Variants in ARHGAP24 observed in about 807,000 individuals in gnomAD.
ARHGAP24 encodes rho GTPase-activating protein 24.
ARHGAP24 carries 50 observed loss-of-function variants against 76.4 expected under a neutral mutation model. That is an observed-to-expected ratio of 0.65 (90% confidence interval 0.52 to 0.83). The LOEUF is 0.83. Ranked by LOEUF, ARHGAP24 falls within the 40% of genes least tolerant of loss-of-function variation. The probability of loss-of-function intolerance (pLI) is 0.00; values close to 1 mark genes in which losing one functional copy is unlikely to be tolerated. For missense variants in ARHGAP24, 930 were observed against 914.2 expected (o/e 1.02, Z -0.22); for synonymous variants, 345 against 323.3 (o/e 1.07, Z -0.72).
At chr4:85,664,489 G>C (rs560223411) in intron 2 of ARHGAP24, among the ~76,000 whole-genome samples, 16 of 150,614 alleles carry the variant, frequency 1.1e-4, no homozygotes, top group South Asian at 4.2e-4. Flanking sequence ...TTTTTTGAAG[G>C]GTTTTTTTGT....
chr4:85,917,180 G>T (rs1319602768), intron 3 of ARHGAP24, among the ~76,000 whole-genome samples: 1 of 151,864 alleles, frequency 6.6e-6, no homozygotes, highest in African/African-American at 2.4e-5. Context: ...TTTTGTCCTT[G>T]CAATAGATTA....
At chr4:85,751,828 G>A (rs1352077351) in intron 3 of ARHGAP24, among the ~76,000 whole-genome samples, 1 of 152,146 alleles carries the variant, frequency 6.6e-6, no homozygotes, top group Non-Finnish European at 1.5e-5. Context: ...CTCCCAGTGG[G>A]CTCTAGAATG....
intron 2 of ARHGAP24, among the ~76,000 whole-genome samples, chr4:85,695,155 C>G (rs970084411): frequency 6.6e-6 from 1 of 152,198 alleles, no homozygotes; most frequent in African/African-American, 2.4e-5. Flanking sequence ...TTTAGCTTAT[C>G]TATTCTGAAT....
At chr4:85,541,518 A>T (rs879361021) in intron 1 of ARHGAP24, among the ~76,000 whole-genome samples, 1 of 152,106 alleles carries the variant, frequency 6.6e-6, no homozygotes, top group Non-Finnish European at 1.5e-5. Flanking sequence ...TCTTGACAAC[A>T]ATATATATTT....
At position 85,651,047 on chromosome 4, in the gene ARHGAP24, G is replaced by C. The variant is rs1479768598; in HGVS notation, c.181-70838G>C. Among the ~76,000 whole-genome samples, 3 of 32,152 alleles carry C rather than the reference G, an allele frequency of 9.3e-5. 1 individual carries two copies. The highest frequency in any genetic ancestry group is 6.7e-4 in the African/African-American group (3 of 4,452). The allele number at this position is 32,152 out of a possible 152,430, so 21.1% of individuals were successfully genotyped here. A position where few individuals can be genotyped will look rare whatever the true frequency, so the allele number is the denominator to read the frequency against. ...AAGCAGAAGTTGGCCTTGAAGAAAG[G>C]TCTGCATGGGAAAAATATTCCAGGT... is the stretch of plus-strand genomic sequence containing the variant. On this transcript the variant is annotated intron_variant, in intron 2 of 9. Coordinates refer to ENST00000395184, the MANE Select transcript of ARHGAP24 (RefSeq NM_001025616.3).
At chr4:85,951,524 C>T (rs1461357941) in intron 5 of ARHGAP24, among the ~76,000 whole-genome samples, 1 of 152,088 alleles carries the variant, frequency 6.6e-6, no homozygotes, top group Admixed American at 6.5e-5. Context: ...TATCTGCCCT[C>T]TTCTGAAGAG....
intron 3 of ARHGAP24, among the ~76,000 whole-genome samples, chr4:85,890,165 T>C (rs1733809234): frequency 6.6e-6 from 1 of 152,174 alleles, no homozygotes; most frequent in Non-Finnish European, 1.5e-5. Context: ...TAGCTATCAG[T>C]TAACAATGAC....
chr4:85,690,118 AT>A (rs777931945), intron 2 of ARHGAP24, among the ~76,000 whole-genome samples: 10 of 152,190 alleles, frequency 6.6e-5, no homozygotes, highest in Non-Finnish European at 1.3e-4. Flanking sequence ...CGATGATCAT[AT>A]GGATTTTAAA....
chr4:85,778,469 C>T (rs1476282491), intron 3 of ARHGAP24, among the ~76,000 whole-genome samples: 2 of 152,164 alleles, frequency 1.3e-5, no homozygotes, highest in African/African-American at 4.8e-5. Flanking sequence ...TTAACTGTGG[C>T]ACTAACTAGC....
intron 3 of ARHGAP24, among the ~76,000 whole-genome samples, chr4:85,894,299 A>G (rs1416445522): frequency 6.6e-6 from 1 of 152,104 alleles, no homozygotes; most frequent in African/African-American, 2.4e-5. Flanking sequence ...AGCAAATAAG[A>G]TTCTTCAGAA....
intron 6 of ARHGAP24, 183 bp downstream of exon 6, chr4:85,972,351 T>C (rs1297799852): frequency 4.2e-6 from 3 of 717,180 alleles, no homozygotes; most frequent in African/African-American, 1.8e-5. Flanking sequence ...ATCCCCTCTC[T>C]GATCAAAAAA....
intron 3 of ARHGAP24, among the ~76,000 whole-genome samples, chr4:85,783,709 C>T (rs554300132): frequency 6.6e-6 from 1 of 151,612 alleles, no homozygotes; most frequent in Admixed American, 6.6e-5. Flanking sequence ...AGAAAACAGT[C>T]ACGATTCCAT....
chr4:85,750,734 G>A (rs1726230467), intron 3 of ARHGAP24, among the ~76,000 whole-genome samples: 1 of 151,912 alleles, frequency 6.6e-6, no homozygotes, highest in Non-Finnish European at 1.5e-5. Flanking sequence ...GACCCATCAG[G>A]TGATCCACCC....
chr4:85,519,252 G>A (rs1015106113), intron 1 of ARHGAP24, among the ~76,000 whole-genome samples: 2 of 152,084 alleles, frequency 1.3e-5, no homozygotes, highest in Non-Finnish European at 2.9e-5. Context: ...CCACACATTA[G>A]TAGGTGCTGA....
chr4:85,925,565 T>C (rs967166191), intron 4 of ARHGAP24, among the ~76,000 whole-genome samples: 1 of 152,234 alleles, frequency 6.6e-6, no homozygotes, highest in Non-Finnish European at 1.5e-5. Context: ...AGAGAGACCA[T>C]GTTCACATAA....
At chr4:85,670,288 T>C (rs78973445) in intron 2 of ARHGAP24, among the ~76,000 whole-genome samples, 3,754 of 152,200 alleles carry the variant, frequency 0.025, 169 homozygotes, top group African/African-American at 0.086. Flanking sequence ...TAGGATAGAG[T>C]GATTCTGTTT....
chr4:85,785,995 T>TA (rs1303473692), intron 3 of ARHGAP24, among the ~76,000 whole-genome samples: 2 of 151,262 alleles, frequency 1.3e-5, no homozygotes, highest in Non-Finnish European at 3.0e-5. Context: ...CTTTTTTTTT[T>TA]ATTTCTGTAA....
chr4:85,807,411 A>G (rs980009752), intron 3 of ARHGAP24, among the ~76,000 whole-genome samples: 1 of 152,046 alleles, frequency 6.6e-6, no homozygotes, highest in African/African-American at 2.4e-5. Context: ...TTTCAGTATA[A>G]TTTTTATCCC....
At chr4:85,694,457 A>T (rs1723795877) in intron 2 of ARHGAP24, among the ~76,000 whole-genome samples, 1 of 152,146 alleles carries the variant, frequency 6.6e-6, no homozygotes, top group Non-Finnish European at 1.5e-5. Context: ...CGGTATACCA[A>T]GCATCTAGAG....
Sources: allele counts gnomAD v4.1 joint callset (sites outside exome capture counted in the v4.1 genomes callset), GRCh38; gene constraint gnomAD v4.1.1; transcripts MANE v1.5; gene names NCBI Gene and HGNC (gene_info 2026-07-23, HGNC 2026-07-21).